Variants in BICDL1 observed in about 807,000 individuals in gnomAD.
BICDL1 encodes BICD family-like cargo adapter 1.
BICDL1 carries 20 observed loss-of-function variants against 76.8 expected under a neutral mutation model. The observed-to-expected ratio is 0.26, with a 90% CI of 0.18 to 0.38. The LOEUF (loss-of-function observed/expected upper bound fraction) is 0.38. Ranked by LOEUF, BICDL1 falls within the 10% of genes least tolerant of loss-of-function variation. The pLI, the probability that BICDL1 is intolerant of heterozygous loss-of-function variation, is 1.00. For missense variants in BICDL1, 700 were observed against 798.6 expected, an observed-to-expected ratio of 0.88 and a Z score of 1.49; for synonymous variants, 383 against 337.1, an observed-to-expected ratio of 1.14 and a Z score of -1.49.
intron 7 of BICDL1, among the ~76,000 whole-genome samples, chr12:120,076,580 G>A (rs1476258745): frequency 6.6e-6 from 1 of 152,124 alleles, no homozygotes; most frequent in Non-Finnish European, 1.5e-5. Context: ...ATTTTTCTTA[G>A]AAGTTCAGCT....
At chr12:120,037,775 A>G (rs1952554894) in intron 2 of BICDL1, among the ~76,000 whole-genome samples, 1 of 152,224 alleles carries the variant, frequency 6.6e-6, no homozygotes, top group Non-Finnish European at 1.5e-5. Flanking sequence ...AGCCTGGTCT[A>G]CATAATACAT....
At chr12:120,001,055 A>G (rs966098134) in intron 2 of BICDL1, among the ~76,000 whole-genome samples, 4 of 151,964 alleles carry the variant, frequency 2.6e-5, no homozygotes, top group Admixed American at 2.0e-4. Context: ...TCTGGCCTTG[A>G]ATATAGGCCC....
intron 7 of BICDL1, among the ~76,000 whole-genome samples, chr12:120,076,279 C>T (rs1362070972): frequency 6.6e-6 from 1 of 152,192 alleles, no homozygotes; most frequent in Non-Finnish European, 1.5e-5. Context: ...GATTCAGACT[C>T]AGAGACAGAT....
chr12:119,997,546 G>A (rs1951676023), intron 1 of BICDL1, among the ~76,000 whole-genome samples: 1 of 152,160 alleles, frequency 6.6e-6, no homozygotes, highest in Non-Finnish European at 1.5e-5. Context: ...TTGCCCTAAT[G>A]ATTTTGAATT....
At chr12:120,014,075 G>A (rs1371218011) in intron 2 of BICDL1, among the ~76,000 whole-genome samples, 1 of 152,188 alleles carries the variant, frequency 6.6e-6, no homozygotes, top group Admixed American at 6.5e-5. Flanking sequence ...AGGTAAATGT[G>A]TGTTATAAAA....
intron 2 of BICDL1, among the ~76,000 whole-genome samples, chr12:120,020,058 G>C (rs1321959096): frequency 6.6e-6 from 1 of 152,166 alleles, no homozygotes; most frequent in Non-Finnish European, 1.5e-5. Flanking sequence ...AAAGGGCTTA[G>C]AAGCAATGAA....
chr12:120,033,574 G>A (rs1952473119), intron 2 of BICDL1, among the ~76,000 whole-genome samples: 1 of 151,622 alleles, frequency 6.6e-6, no homozygotes, highest in Non-Finnish European at 1.5e-5. Flanking sequence ...GTAGAGACAG[G>A]GTTTCACCGT....
At chr12:120,047,158 A>G (rs1285951397) in intron 2 of BICDL1, among the ~76,000 whole-genome samples, 2 of 152,168 alleles carry the variant, frequency 1.3e-5, no homozygotes, top group African/African-American at 4.8e-5. Context: ...TACCTTCTAA[A>G]TGGCACATAG....
At chr12:120,091,246 G>A (rs1874937161) in intron 9 of BICDL1, 28 of 1,154,768 alleles carry the variant, frequency 2.4e-5, no homozygotes, top group Non-Finnish European at 3.0e-5. Context: ...TCTTCTCATA[G>A]ATGGCTGTTC....
At chr12:120,005,826 G>A (rs1294520087) in intron 2 of BICDL1, among the ~76,000 whole-genome samples, 1 of 152,098 alleles carries the variant, frequency 6.6e-6, no homozygotes, top group African/African-American at 2.4e-5. Flanking sequence ...CCATTGAAGG[G>A]CATATGTGTT....
At chr12:120,038,585 A>G (rs1362339831) in intron 2 of BICDL1, among the ~76,000 whole-genome samples, 4 of 152,024 alleles carry the variant, frequency 2.6e-5, no homozygotes, top group African/African-American at 9.7e-5. Flanking sequence ...TTTTCTTTAA[A>G]TCATTATGTT....
At chr12:120,085,435 G>A (rs1874327197) in intron 8 of BICDL1, among the ~76,000 whole-genome samples, 1 of 152,178 alleles carries the variant, frequency 6.6e-6, no homozygotes, top group African/African-American at 2.4e-5. Context: ...AGAGGAGGCA[G>A]CATACCTTTA....
At chr12:120,090,399 A>G (rs1411382715) in intron 9 of BICDL1, among the ~76,000 whole-genome samples, 1 of 152,206 alleles carries the variant, frequency 6.6e-6, no homozygotes, top group Admixed American at 6.5e-5. Flanking sequence ...CAGGAAGCTC[A>G]GTATAATTGC....
At chr12:120,029,794 A>G (rs1333102138) in intron 2 of BICDL1, among the ~76,000 whole-genome samples, 2 of 152,062 alleles carry the variant, frequency 1.3e-5, no homozygotes, top group Non-Finnish European at 2.9e-5. Flanking sequence ...AGCTGGGAGT[A>G]CAGGCACCCG....
At chr12:120,014,025 T>C (rs958983911) in intron 2 of BICDL1, among the ~76,000 whole-genome samples, 4 of 152,258 alleles carry the variant, frequency 2.6e-5, no homozygotes, top group Non-Finnish European at 5.9e-5. Flanking sequence ...CGTAGGAGGA[T>C]GTGACTCATC....
At chr12:120,004,438 A>G (rs531461819) in intron 2 of BICDL1, among the ~76,000 whole-genome samples, 127 of 152,304 alleles carry the variant, frequency 8.3e-4, no homozygotes, top group South Asian at 1.7e-3. Flanking sequence ...GGTTTCTACT[A>G]TAGAATCACT....
intron 9 of BICDL1, chr12:120,091,316 A>C (rs1025195726): frequency 9.4e-7 from 1 of 1,059,200 alleles, no homozygotes; most frequent in Admixed American, 4.8e-5. Context: ...GGAAACTCTA[A>C]AGGGCGACCT....
At position 120,066,453 on chromosome 12, in the gene BICDL1, C is replaced by T. The variant is rs562152981; in HGVS notation, c.909+1574C>T. On this transcript the variant is annotated intron_variant, in intron 4 of 9. Transcript: ENST00000548673. The stretch of plus-strand genomic sequence containing the variant: ...CTTATTTCAAATCAAGAACTGGGGA[C>T]CTGGGTTGGGGGAAAGAGGCAGGAC... 2.5e-4 allele frequency among the ~76,000 whole-genome samples: 38 copies of T among 152,204 alleles called. 1 individual carries two copies. The highest frequency in any genetic ancestry group is 5.9e-4 in the Admixed American group (9 of 15,296).
At chr12:120,041,330 A>G (rs380123) in intron 2 of BICDL1, among the ~76,000 whole-genome samples, 1 of 152,160 alleles carries the variant, frequency 6.6e-6, no homozygotes, top group South Asian at 2.1e-4. Context: ...TACCTCTGAA[A>G]CCTGAACTCA....
Sources: allele counts gnomAD v4.1 joint callset (sites outside exome capture counted in the v4.1 genomes callset), GRCh38; gene constraint gnomAD v4.1.1; transcripts MANE v1.5; gene names NCBI Gene and HGNC (gene_info 2026-07-23, HGNC 2026-07-21).